The following HDGFL2 variants were observed in gnomAD, a reference collection of about 807,000 sequenced individuals.
HDGFL2 encodes the protein HDGF like 2.
In HDGFL2, 36 loss-of-function variants were observed where a neutral mutation model predicts 77.1. The ratio of observed to expected loss-of-function variants is 0.47; its 90% CI spans 0.36 to 0.62. HDGFL2 has a LOEUF of 0.62. Ranked by LOEUF, HDGFL2 falls within the 20% of genes least tolerant of loss-of-function variation. The pLI, the probability that HDGFL2 is intolerant of heterozygous loss-of-function variation, is 0.00. For missense variants in HDGFL2, 976 were observed against 973.4 expected, an observed-to-expected ratio of 1.00 and a Z score of -0.04; for synonymous variants, 463 against 413.1, an observed-to-expected ratio of 1.12 and a Z score of -1.46.
intron 15 of HDGFL2, 32 bp downstream of exon 15, chr19:4,501,349 C>T (rs1462526910): frequency 2.8e-5 from 44 of 1,555,434 alleles, no homozygotes; most frequent in Non-Finnish European, 3.7e-5. Flanking sequence ...GTTTGGACTC[C>T]TGAGCGGCAG....
In HDGFL2 at chr19:4,488,693, C is replaced by T. The variant is rs779376195; in HGVS notation, c.306C>T (p.Asp102=). 1 of 1,546,644 alleles carries T rather than the reference C, an allele frequency of 6.5e-7. No individual in the cohort carries two copies. The change falls in exon 4 of 16, where the codon GAC becomes GAT. Residue 102 remains aspartate, a synonymous_variant. Coordinates refer to ENST00000616600, the MANE Select transcript of HDGFL2 (RefSeq NM_001001520.3). ...TCCCACAGCCAGTGAGCTCCTCCGA[C>T]AGCGAGGCCCCCGAGGCCAACCCCG... ...YSAPPPVSSS[D]SEAPEANPAD... is the part of the protein sequence containing the mutation.
At chr19:4,501,358 A>G (rs1489708639) in intron 15 of HDGFL2, 41 bp downstream of exon 15, 1 of 1,549,322 alleles carries the variant, frequency 6.5e-7, no homozygotes, top group African/African-American at 1.4e-5. Flanking sequence ...CCTGAGCGGC[A>G]GCGGTGTGAC....
At chr19:4,481,806 C>T (rs1975225548) in intron 3 of HDGFL2, among the ~76,000 whole-genome samples, 2 of 152,022 alleles carry the variant, frequency 1.3e-5, no homozygotes, top group East Asian at 1.9e-4. Flanking sequence ...GACCCCTCAG[C>T]GGGCTCCTGG....
At chr19:4,474,423 C>A (rs1386536038) in intron 1 of HDGFL2, among the ~76,000 whole-genome samples, 1 of 152,048 alleles carries the variant, frequency 6.6e-6, no homozygotes, top group Non-Finnish European at 1.5e-5. Flanking sequence ...CGGCCCATGG[C>A]CGAGCCCAGG....
intron 13 of HDGFL2, 99 bp from the exon 14 acceptor site, chr19:4,499,392 A>G (rs1599725740): frequency 1.0e-6 from 1 of 977,328 alleles, no homozygotes. Context: ...TGCTCCCGGG[A>G]GGGGCTGCGG....
chr19:4,491,920 C>A, intron 6 of HDGFL2, 85 bp downstream of exon 6: 24 of 1,240,260 alleles, frequency 1.9e-5, no homozygotes, highest in Non-Finnish European at 2.6e-5. Flanking sequence ...CAGGGCGGGC[C>A]ATTTCTGGAG....
chr19:4,478,073 C>T (rs566943358), intron 3 of HDGFL2, among the ~76,000 whole-genome samples: 2 of 132,054 alleles, frequency 1.5e-5, no homozygotes, highest in South Asian at 2.7e-4. Context: ...GAACGAGACT[C>T]TGTCTCAAAA....
chr19:4,501,174 C>T lies in HDGFL2; in HGVS notation c.1790-17C>T. On this transcript the variant is annotated splice_polypyrimidine_tract_variant and intron_variant, in intron 14 of 15. Coordinates refer to ENST00000616600, the MANE Select transcript of HDGFL2 (RefSeq NM_001001520.3). ...CTGGAGCCCAGCAGTGTCCTGTGAC[C>T]CCTCTGTCCCACCCAGATCTCTCAG... is the stretch of plus-strand genomic sequence containing the variant. The T allele has an allele frequency of 6.2e-7, 1 of 1,612,766 alleles. No homozygotes were observed. The highest frequency in any genetic ancestry group is 8.5e-7 in the Non-Finnish European group (1 of 1,179,704).
intron 10 of HDGFL2, chr19:4,497,511 C>T (rs998136048): frequency 1.6e-5 from 5 of 304,054 alleles, no homozygotes; most frequent in Non-Finnish European, 3.2e-5. Context: ...AGCCCACTTT[C>T]TAAATGGCCT....
chr19:4,489,561 G>A (rs146253298), intron 4 of HDGFL2, among the ~76,000 whole-genome samples: 3,767 of 152,064 alleles, frequency 0.025, 67 homozygotes, highest in Non-Finnish European at 0.036. Context: ...CCACCACCAC[G>A]CCCGGCTAAT....
At chr19:4,483,787 ATTT>A (rs5826851) in intron 3 of HDGFL2, among the ~76,000 whole-genome samples, 9 of 100,490 alleles carry the variant, frequency 9.0e-5, no homozygotes, top group Admixed American at 1.1e-4. Flanking sequence ...TTGTTTCATG[ATTT>A]TTTTTTTTTT....
Position 4,494,494 on chromosome 19 carries a change from G to C in HDGFL2, c.1224+19G>C, listed in dbSNP as rs1568214963. The C allele has an allele frequency of 2.9e-6, 4 of 1,366,120 alleles. No homozygotes were observed. Among genetic ancestry groups the C allele is most frequent in the Non-Finnish European group, 3.8e-6 (4 of 1,063,138 alleles). The allele number at this position is 1,366,120 out of a possible 1,614,324, so 84.6% of individuals were successfully genotyped here. A position where few individuals can be genotyped will look rare whatever the true frequency, so the allele number is the denominator to read the frequency against. On this transcript the variant is annotated intron_variant, in intron 9 of 15. Coordinates refer to ENST00000616600, the MANE Select transcript of HDGFL2 (RefSeq NM_001001520.3). The stretch of plus-strand genomic sequence containing the variant: ...GAGAGAGGTGAGCCGGGAGGGCGCC[G>C]GGAGTCCCTGCCTTCACTCCACACG...
At chr19:4,495,385 C>CAAA (rs747305046) in intron 9 of HDGFL2, among the ~76,000 whole-genome samples, 589 of 54,220 alleles carry the variant, frequency 0.011, 54 homozygotes, top group African/African-American at 0.036. Flanking sequence ...GACTCCATCT[C>CAAA]AAAAAAAAAA....
At chr19:4,496,266 C>G in intron 9 of HDGFL2, 36 bp from the exon 10 acceptor site, 2 of 1,565,806 alleles carry the variant, frequency 1.3e-6, no homozygotes, top group Non-Finnish European at 1.8e-6. Flanking sequence ...ATCCCCTCTT[C>G]CCACTGCTCC....
rs1462896463 is a variant in HDGFL2, at chr19:4,501,953, C to T, written c.1959C>T (p.Asp653=). ...CCGACCTGGACAGGCCTGGGAGCGA[C>T]CGGCAGGAGCGCGAGAGGGCACGGG... The part of the protein sequence containing the change: ...EGPDLDRPGS[D]RQERERARGD... The change falls in exon 16 of 16, where the codon GAC becomes GAT. Residue 653 remains aspartate (D), a synonymous_variant. Coordinates refer to ENST00000616600, the MANE Select transcript of HDGFL2 (RefSeq NM_001001520.3). 1.3e-6 allele frequency: 2 copies of T among 1,501,032 alleles called. No homozygotes were observed. The highest frequency in any genetic ancestry group is 2.6e-5 in the Admixed American group (1 of 38,188). 93.0% of individuals were successfully genotyped at this position (1,501,032 alleles called of 1,614,324 possible).
chr19:4,501,957 C>T lies in HDGFL2; in HGVS notation c.1963C>T (p.Gln655Ter), dbSNP rs1338464046. ...PDLDRPGSDR[Q>*]ERERARGDSE... ...CCTGGACAGGCCTGGGAGCGACCGG[C>T]AGGAGCGCGAGAGGGCACGGGGGGA... Residue 655 changes from glutamine (Q) to a stop codon, truncating the protein, a stop_gained, in exon 16 of 16, where the codon CAG (glutamine) becomes TAG (stop). Transcript: ENST00000616600. LOFTEE classifies it high-confidence loss of function. The T allele has an allele frequency of 1.3e-6, 2 of 1,502,018 alleles. No homozygotes were observed. The highest frequency in any genetic ancestry group is 1.8e-6 in the Non-Finnish European group (2 of 1,131,778). The allele number at this position is 1,502,018 out of a possible 1,614,324, so 93.0% of individuals were successfully genotyped here. A position where few individuals can be genotyped will look rare whatever the true frequency, so the allele number is the denominator to read the frequency against.
intron 4 of HDGFL2, among the ~76,000 whole-genome samples, chr19:4,489,681 C>T (rs925583633): frequency 2.6e-5 from 4 of 152,090 alleles, no homozygotes; most frequent in African/African-American, 7.2e-5. Flanking sequence ...GGATTACAGG[C>T]GTTAGCCATG....
intron 3 of HDGFL2, among the ~76,000 whole-genome samples, chr19:4,482,729 G>A (rs992570472): frequency 2.0e-5 from 3 of 152,228 alleles, no homozygotes; most frequent in Non-Finnish European, 4.4e-5. Flanking sequence ...GTTACTCGCT[G>A]TGTGATCCTG....
intron 6 of HDGFL2, among the ~76,000 whole-genome samples, chr19:4,493,295 G>T (rs1975597869): frequency 6.6e-6 from 1 of 150,464 alleles, no homozygotes; most frequent in African/African-American, 2.4e-5. Flanking sequence ...TGTGTGGTGT[G>T]TGTGTGGTGT....
Sources: allele counts gnomAD v4.1 joint callset (sites outside exome capture counted in the v4.1 genomes callset), GRCh38; gene constraint gnomAD v4.1.1; transcripts MANE v1.5; gene names NCBI Gene and HGNC (gene_info 2026-07-23, HGNC 2026-07-21).